The following ARHGAP28 variants were observed in gnomAD, a reference collection of about 807,000 sequenced individuals.
ARHGAP28 encodes rho GTPase-activating protein 28.
Under a neutral mutation model 90.7 loss-of-function variants are expected in ARHGAP28, and 56 were observed. The observed-to-expected ratio is 0.62, with a 90% CI of 0.50 to 0.77. The LOEUF (loss-of-function observed/expected upper bound fraction) is 0.77. Ranked by LOEUF, ARHGAP28 falls within the 30% of genes least tolerant of loss-of-function variation. The pLI, the probability that ARHGAP28 is intolerant of heterozygous loss-of-function variation, is 0.00. For synonymous variants in ARHGAP28, 308 were observed against 323.3 expected, an observed-to-expected ratio of 0.95 and a Z score of 0.51; for missense variants, 869 against 900.9, an observed-to-expected ratio of 0.96 and a Z score of 0.45.
intron 3 of ARHGAP28, among the ~76,000 whole-genome samples, chr18:6,845,659 G>C (rs1459271816): frequency 1.3e-5 from 2 of 152,142 alleles, no homozygotes; most frequent in East Asian, 3.9e-4. Context: ...CCACTTATAA[G>C]TGAGAACATG....
intron 1 of ARHGAP28, among the ~76,000 whole-genome samples, chr18:6,775,466 T>C (rs537818336): frequency 1.8e-4 from 27 of 152,322 alleles, no homozygotes; most frequent in African/African-American, 6.5e-4. Flanking sequence ...AAGCCTTCGA[T>C]GAAATATTGC....
At position 6,890,549 on chromosome 18, in the gene ARHGAP28, A is replaced by ACAG. The variant is rs1228874409; in HGVS notation, c.1848+9_1848+11dup. 2.5e-6 allele frequency: 4 copies of ACAG among 1,584,398 alleles called. No homozygotes were observed. The South Asian group carries it at 4.5e-5, about 18-fold the overall frequency. On this transcript the variant is annotated splice_region_variant and intron_variant, in intron 14 of 17. Coordinates refer to ENST00000383472, the MANE Select transcript of ARHGAP28 (RefSeq NM_001366230.1). ...GGAAGACCCTCGAGCGGGAGGTAAG[A>ACAG]CAGCAAATGAGGCATGGCGATTGTC...
rs1365217175 is a variant in ARHGAP28, at chr18:6,911,726, G to A, written c.2096-334G>A. 3.9e-5 allele frequency among the ~76,000 whole-genome samples: 6 copies of A among 152,120 alleles called. No individual in the cohort carries two copies. In the East Asian group the frequency reaches 1.2e-3, roughly 29 times the overall value. On this transcript the variant is annotated intron_variant, in intron 17 of 17. Transcript: ENST00000383472. ...GCTGGAATTACAGGTGTGAGCCACTGCGCCCAGCCCTTGCCATAATTTTCT... is the reference window on the plus strand; with the variant it reads ...GCTGGAATTACAGGTGTGAGCCACTACGCCCAGCCCTTGCCATAATTTTCT...
At chr18:6,905,441 T>A (rs1212040306) in intron 16 of ARHGAP28, among the ~76,000 whole-genome samples, 2 of 152,098 alleles carry the variant, frequency 1.3e-5, no homozygotes, top group Non-Finnish European at 2.9e-5. Context: ...AACCTACAGC[T>A]AACATCATCC....
chr18:6,882,129 A>G lies in ARHGAP28; in HGVS notation c.1291-8A>G, dbSNP rs201992498. On this transcript the variant is annotated splice_region_variant and splice_polypyrimidine_tract_variant and intron_variant, in intron 10 of 17. Transcript: ENST00000383472. ...CATTGAATACTGACTGTTTTCCTTG[A>G]TTTACAGCAATACCGTGAAGAACTT... The G allele has an allele frequency of 1.6e-4, 250 of 1,608,806 alleles. No homozygotes were observed. The African/African-American group carries it at 3.0e-3, about 20-fold the overall frequency.
intron 1 of ARHGAP28, among the ~76,000 whole-genome samples, chr18:6,777,285 G>A (rs1328916424): frequency 1.3e-5 from 2 of 152,192 alleles, no homozygotes; most frequent in Non-Finnish European, 2.9e-5. Flanking sequence ...TGACAAGTGT[G>A]TAATGATGCC....
At chr18:6,739,567 T>C (rs1290696348) in intron 1 of ARHGAP28, among the ~76,000 whole-genome samples, 1 of 151,112 alleles carries the variant, frequency 6.6e-6, no homozygotes, top group African/African-American at 2.4e-5. Flanking sequence ...TGGTCTGAAA[T>C]ACTTATTTAA....
At chr18:6,767,132 T>C (rs1371230781) in intron 1 of ARHGAP28, among the ~76,000 whole-genome samples, 4 of 152,158 alleles carry the variant, frequency 2.6e-5, no homozygotes, top group African/African-American at 9.6e-5. Flanking sequence ...TCTTTGTTCA[T>C]TATTTTTCGT....
chr18:6,907,035 G>T (rs2143849606), intron 16 of ARHGAP28, among the ~76,000 whole-genome samples: 1 of 152,196 alleles, frequency 6.6e-6, no homozygotes, highest in African/African-American at 2.4e-5. Context: ...TAAACAAATG[G>T]CAAATATGCC....
chr18:6,806,170 A>G lies in ARHGAP28; in HGVS notation c.123-18592A>G, dbSNP rs181857619. Among the ~76,000 whole-genome samples, 1,460 of 152,234 alleles carry G rather than the reference A, an allele frequency of 9.6e-3. 20 individuals are homozygous for G. Among genetic ancestry groups the G allele is most frequent in the African/African-American group, 0.034 (1,400 of 41,518 alleles). On this transcript the variant is annotated intron_variant, in intron 1 of 17. Transcript: ENST00000383472. ...CAGCCTCCCAAAGTGCTGGGATTACAGGTGTGAGCCACCGTGCCTGACTAT... is the reference window on the plus strand; with the variant it reads ...CAGCCTCCCAAAGTGCTGGGATTACGGGTGTGAGCCACCGTGCCTGACTAT...
intron 2 of ARHGAP28, among the ~76,000 whole-genome samples, chr18:6,832,392 GTGT>G (rs551285695): frequency 1.6e-4 from 24 of 152,064 alleles, no homozygotes; most frequent in African/African-American, 5.5e-4. Flanking sequence ...GGTTAGTGTG[GTGT>G]TCTGTAAATG....
chr18:6,882,120 T>C lies in ARHGAP28; in HGVS notation c.1291-17T>C. On this transcript the variant is annotated splice_polypyrimidine_tract_variant and intron_variant, in intron 10 of 17. Coordinates refer to ENST00000383472, the MANE Select transcript of ARHGAP28 (RefSeq NM_001366230.1). ...GTAAAAGTGCATTGAATACTGACTG[T>C]TTTCCTTGATTTACAGCAATACCGT... 6.2e-7 allele frequency: 1 copy of C among 1,603,808 alleles called. No individual in the cohort carries two copies. The highest frequency in any genetic ancestry group is 1.3e-5 in the African/African-American group (1 of 74,736).
At chr18:6,909,203 A>G (rs552827580) in intron 17 of ARHGAP28, among the ~76,000 whole-genome samples, 179 bp downstream of exon 17, 4 of 152,206 alleles carry the variant, frequency 2.6e-5, no homozygotes, top group Admixed American at 6.5e-5. Context: ...AATGTTTTCA[A>G]AATTTAAATG....
In ARHGAP28 at chr18:6,837,194, C is replaced by T. The variant is rs957373088; in HGVS notation, c.326-3C>T. ...ACCCTCTCTTGGTAATGTTCTTTCA[C>T]AGAAGGAGAACTTGAAGCAGAATGG... On this transcript the variant is annotated splice_polypyrimidine_tract_variant and splice_region_variant and intron_variant, in intron 2 of 17. Transcript: ENST00000383472. 1.3e-6 allele frequency: 2 copies of T among 1,543,644 alleles called. No homozygotes were observed. Among genetic ancestry groups the T allele is most frequent in the Non-Finnish European group, 1.7e-6 (2 of 1,147,452 alleles).
At chr18:6,906,892 A>G (rs2057367470) in intron 16 of ARHGAP28, among the ~76,000 whole-genome samples, 1 of 152,212 alleles carries the variant, frequency 6.6e-6, no homozygotes, top group Non-Finnish European at 1.5e-5. Context: ...ACAAAGGACT[A>G]GTATCTAGAA....
intron 1 of ARHGAP28, chr18:6,788,797 TG>T (rs2143539238): frequency 6.6e-6 from 1 of 152,296 alleles, no homozygotes; most frequent in Admixed American, 6.5e-5. Flanking sequence ...CAGGATGGTG[TG>T]CCAGACTGTA....
chr18:6,758,381 T>C (rs1167317788), intron 1 of ARHGAP28, among the ~76,000 whole-genome samples: 1 of 151,618 alleles, frequency 6.6e-6, no homozygotes, highest in African/African-American at 2.4e-5. Flanking sequence ...GCGAGTGCGG[T>C]GGCATGATCT....
chr18:6,745,725 G>A (rs529039906), intron 1 of ARHGAP28, among the ~76,000 whole-genome samples: 1 of 152,180 alleles, frequency 6.6e-6, no homozygotes, highest in Non-Finnish European at 1.5e-5. Flanking sequence ...TGTATGATTT[G>A]TGTCTGGCTC....
chr18:6,866,281 G>A (rs1180777728), intron 5 of ARHGAP28, among the ~76,000 whole-genome samples: 1 of 152,062 alleles, frequency 6.6e-6, no homozygotes, highest in Non-Finnish European at 1.5e-5. Context: ...TCCATAATTT[G>A]CACTGACTCT....
Sources: allele counts gnomAD v4.1 joint callset (sites outside exome capture counted in the v4.1 genomes callset), GRCh38; gene constraint gnomAD v4.1.1; transcripts MANE v1.5; gene names NCBI Gene and HGNC (gene_info 2026-07-23, HGNC 2026-07-21).